The following CELA3B variants were observed in gnomAD, a reference collection of about 807,000 sequenced individuals.
CELA3B encodes chymotrypsin like elastase 3B, also known as chymotrypsin-like elastase family member 3B.
A neutral mutation model predicts 37.2 loss-of-function variants in CELA3B; 34 were observed. The observed-to-expected ratio is 0.91, with a 90% CI of 0.70 to 1.22. The LOEUF is 1.22. CELA3B is among the 50% of genes most tolerant of loss of function. The pLI is 0.00. For synonymous variants in CELA3B, 127 were observed against 143.5 expected, an observed-to-expected ratio of 0.89 and a Z score of 0.82; for missense variants, 340 against 363.1, an observed-to-expected ratio of 0.94 and a Z score of 0.52.
At position 21,983,787 on chromosome 1, in the gene CELA3B, C is replaced by G; in HGVS notation, c.456C>G (p.Pro152=). 4 of 1,614,132 alleles carry G rather than the reference C, an allele frequency of 2.5e-6. No individual in the cohort carries two copies. The highest frequency in any genetic ancestry group is 3.4e-6 in the Non-Finnish European group (4 of 1,180,028). ...TCCCTCCGGCTGGTGACATCCTTCC[C>G]AACGAGACACCCTGCTACATCACCG... The part of the protein sequence containing the change: ...ASLPPAGDIL[P]NETPCYITGW... The change falls in exon 5 of 8, where the codon CCC becomes CCG. Residue 152 remains proline (P), a synonymous_variant. Coordinates refer to ENST00000337107, the MANE Select transcript of CELA3B (RefSeq NM_007352.4).
At position 21,994,518 on chromosome 1, in the gene CELA3B, T is replaced by TA. The variant is rs1351992675; in HGVS notation, c.505-3632dup. ...CAGATTAAATTCCCTATACTTCAAA[T>TA]ACTTGAGATTTCTGTTTTCTGGTTT... On this transcript the variant is annotated intron_variant, in intron 4 of 4. Coordinates refer to the CELA3B transcript ENST00000400277. Among the ~76,000 whole-genome samples the TA allele has an allele frequency of 2.0e-5, 3 of 150,874 alleles. No homozygotes were observed. In the East Asian group the frequency reaches 5.9e-4, roughly 30 times the overall value.
In CELA3B at chr1:21,982,279, C is replaced by T. The variant is rs560169173; in HGVS notation, c.362+1107C>T. On this transcript the variant is annotated intron_variant, in intron 4 of 7. Transcript: ENST00000337107. Reference sequence around the variant, plus strand: ...TGGTTCTCAAAATGTGGTACCTGGGCTGGCAGTATCAGCATCACCTGGGAA... The same window carrying T: ...TGGTTCTCAAAATGTGGTACCTGGGTTGGCAGTATCAGCATCACCTGGGAA... 9.9e-5 allele frequency among the ~76,000 whole-genome samples: 15 copies of T among 152,172 alleles called. No individual in the cohort carries two copies. The South Asian group carries it at 2.7e-3, about 27-fold the overall frequency.
At chr1:21,986,336 A>C (rs934258696) in intron 6 of CELA3B, among the ~76,000 whole-genome samples, 195 bp from the exon 7 acceptor site, 2 of 152,000 alleles carry the variant, frequency 1.3e-5, no homozygotes, top group African/African-American at 2.4e-5. Flanking sequence ...AGCTAGCTCC[A>C]CTGCACTCCA....
At position 21,989,222 on chromosome 1, in the gene CELA3B, C is replaced by T. The variant is rs367563345; in HGVS notation, c.796-40C>T. On this transcript the variant is annotated intron_variant, in intron 7 of 7. Coordinates refer to ENST00000337107, the MANE Select transcript of CELA3B (RefSeq NM_007352.4). ...TTCATCTGACTCCAGAACCTGTGCTCCTAAATTGACTATTCTGTCTGCCCC... is the reference window on the plus strand; with the variant it reads ...TTCATCTGACTCCAGAACCTGTGCTTCTAAATTGACTATTCTGTCTGCCCC... 9.5e-4 allele frequency: 1,324 copies of T among 1,397,854 alleles called. 33 individuals carry two copies. In the African/African-American group the frequency reaches 0.017, roughly 18 times the overall value. The allele number at this position is 1,397,854 out of a possible 1,614,324, so 86.6% of individuals were successfully genotyped here.
chr1:21,985,804 T>C (rs1240801943), intron 6 of CELA3B, among the ~76,000 whole-genome samples: 1 of 151,594 alleles, frequency 6.6e-6, no homozygotes, highest in African/African-American at 2.4e-5. Context: ...GGCAGGAGAA[T>C]GGTGTGAACC....
intron 4 of CELA3B, among the ~76,000 whole-genome samples, chr1:21,981,570 G>T (rs1205893432): frequency 1.3e-5 from 2 of 151,780 alleles, no homozygotes; most frequent in Non-Finnish European, 2.9e-5. Flanking sequence ...CTGAGAGTCA[G>T]GCTCTGGCAT....
In CELA3B at chr1:21,980,922, G is replaced by A. The variant is rs768571087; in HGVS notation, c.227+1G>A. 6.2e-6 allele frequency: 10 copies of A among 1,613,642 alleles called. No individual in the cohort carries two copies. Among genetic ancestry groups the A allele is most frequent in the East Asian group, 2.2e-5 (1 of 44,864 alleles). ...TTGTGACTGCCGGCCACTGCATCTC[G>A]TGAGTTCTCTACCCTGTCCCTGCCT... On this transcript the variant is annotated splice_donor_variant, in intron 3 of 7. Coordinates refer to ENST00000337107, the MANE Select transcript of CELA3B (RefSeq NM_007352.4). LOFTEE classifies it high-confidence loss of function.
rs549897148 is a variant in CELA3B at position 21,997,079 on chromosome 1, G to A, written c.505-1072G>A. Reference sequence around the variant, plus strand: ...CTCCAAAGTTAAAAGTTAAAGTCCCGCCGGGCGTGGTGGCTCACGCCTGTA... The same window carrying A: ...CTCCAAAGTTAAAAGTTAAAGTCCCACCGGGCGTGGTGGCTCACGCCTGTA... On this transcript the variant is annotated intron_variant, in intron 4 of 4. Transcript: ENST00000400277. Among the ~76,000 whole-genome samples, 8 of 151,464 alleles carry A rather than the reference G, an allele frequency of 5.3e-5. No homozygotes were observed. In the South Asian group the frequency reaches 1.3e-3, roughly 24 times the overall value.
intron 7 of CELA3B, 136 bp from the exon 8 acceptor site, chr1:21,989,126 A>G (rs1392226292): frequency 6.5e-7 from 1 of 1,533,828 alleles, no homozygotes; most frequent in East Asian, 2.3e-5. Flanking sequence ...TACATAGAGG[A>G]GGAAACTGAG....
At chr1:21,983,874 A>C (rs373661433) in intron 5 of CELA3B, 44 bp downstream of exon 5, 295 of 1,607,796 alleles carry the variant, frequency 1.8e-4, no homozygotes, top group Non-Finnish European at 2.4e-4. Flanking sequence ...CAGTGGCAGA[A>C]AGACAGGGCC....
intron 4 of CELA3B, among the ~76,000 whole-genome samples, chr1:21,995,209 C>T (rs1418070342): frequency 1.4e-5 from 2 of 144,650 alleles, no homozygotes; most frequent in African/African-American, 5.2e-5. Flanking sequence ...AGTGGCATGA[C>T]CTCACTGCAA....
intron 4 of CELA3B, among the ~76,000 whole-genome samples, chr1:21,994,481 C>A (rs1644881157): frequency 6.6e-6 from 1 of 150,990 alleles, no homozygotes; most frequent in Non-Finnish European, 1.5e-5. Context: ...CTCACCGAGA[C>A]AGCCAATTCC....
chr1:21,978,692 C>A (rs1285242471), intron 2 of CELA3B, among the ~76,000 whole-genome samples: 2 of 152,092 alleles, frequency 1.3e-5, no homozygotes, highest in Non-Finnish European at 2.9e-5. Context: ...ATGCTAAACT[C>A]AAGGAGTTGG....
chr1:21,980,230 A>G (rs573626266), intron 2 of CELA3B, among the ~76,000 whole-genome samples: 48 of 140,310 alleles, frequency 3.4e-4, no homozygotes, highest in East Asian at 1.3e-3. Flanking sequence ...CTGTAATCCC[A>G]GCACTTCGGG....
At chr1:21,980,687 A>G in intron 2 of CELA3B, 137 bp from the exon 3 acceptor site, 1 of 665,594 alleles carries the variant, frequency 1.5e-6, no homozygotes, top group Non-Finnish European at 2.6e-6. Flanking sequence ...TGTATGCTGC[A>G]TATTTCAGTG....
intron 4 of CELA3B, among the ~76,000 whole-genome samples, chr1:21,983,313 C>T (rs953496303): frequency 4.6e-5 from 7 of 151,874 alleles, no homozygotes; most frequent in African/African-American, 1.5e-4. Flanking sequence ...CGAGATCATG[C>T]CACTGCACTC....
At chr1:21,978,920 G>A (rs796196244) in intron 2 of CELA3B, among the ~76,000 whole-genome samples, 3 of 151,716 alleles carry the variant, frequency 2.0e-5, no homozygotes, top group East Asian at 2.0e-4. Context: ...GGTGGCTCAC[G>A]CCTGTAATCC....
Position 21,983,722 on chromosome 1 carries a change from C to A in CELA3B, c.391C>A (p.Arg131Ser), listed in dbSNP as rs149805485. The change falls in exon 5 of 8, where the codon CGC (arginine) becomes AGC (serine). Residue 131 changes from arginine (R) to serine (S), a missense_variant. Transcript: ENST00000337107. ...GNDIALIKLSRSAQLGDAVQL... is the reference protein window; with the variant it reads ...GNDIALIKLSSSAQLGDAVQL... Reference sequence around the variant, plus strand: ...TGACATCGCCCTCATCAAGCTCTCACGCAGCGCCCAGCTGGGAGACGCCGT... The same window carrying A: ...TGACATCGCCCTCATCAAGCTCTCAAGCAGCGCCCAGCTGGGAGACGCCGT... 1 of 1,614,110 alleles carries A rather than the reference C, an allele frequency of 6.2e-7. No homozygotes were observed. The highest frequency in any genetic ancestry group is 8.5e-7 in the Non-Finnish European group (1 of 1,180,004).
intron 1 of CELA3B, chr1:21,977,960 CG>C (rs1644781711): frequency 2.9e-6 from 1 of 350,216 alleles, no homozygotes; most frequent in South Asian, 2.1e-5. Flanking sequence ...CCTCCCGCCT[CG>C]GCCTCTCAAA....
Sources: allele counts gnomAD v4.1 joint callset (sites outside exome capture counted in the v4.1 genomes callset), GRCh38; gene constraint gnomAD v4.1.1; transcripts MANE v1.5; gene names NCBI Gene and HGNC (gene_info 2026-07-23, HGNC 2026-07-21).